The following CCDC25 variants were observed in gnomAD, a reference collection of about 807,000 sequenced individuals.
CCDC25 encodes coiled-coil domain-containing protein 25.
CCDC25 carries 16 observed loss-of-function variants against 35.3 expected under a neutral mutation model. The ratio of observed to expected loss-of-function variants is 0.45; its 90% confidence interval spans 0.31 to 0.69. CCDC25 has a LOEUF of 0.69. Ranked by LOEUF, CCDC25 falls within the 30% of genes least tolerant of loss-of-function variation. The pLI, the probability that CCDC25 is intolerant of heterozygous loss-of-function variation, is 0.06. For synonymous variants in CCDC25, 79 were observed against 80.3 expected (o/e 0.98, Z 0.09); for missense variants, 179 against 250.7 (o/e 0.71, Z 1.93).
intron 1 of CCDC25, among the ~76,000 whole-genome samples, chr8:27,769,367 T>C (rs1174731223): frequency 1.3e-5 from 2 of 152,210 alleles, no homozygotes; most frequent in Non-Finnish European, 2.9e-5. Flanking sequence ...CAGATGTGTA[T>C]GTGTGACTAA....
At chr8:27,753,434 G>A (rs1803886881) in intron 4 of CCDC25, among the ~76,000 whole-genome samples, 1 of 152,148 alleles carries the variant, frequency 6.6e-6, no homozygotes, top group Admixed American at 6.5e-5. Context: ...CATTAGGCTG[G>A]GTTTAGGGGC....
chr8:27,772,376 G>A, intron 1 of CCDC25, 137 bp downstream of exon 1: 1 of 793,412 alleles, frequency 1.3e-6, no homozygotes, highest in Non-Finnish European at 2.1e-6. Context: ...TGTGCTGGGG[G>A]ACCGAGAGGC....
chr8:27,753,371 G>C (rs1254464496), intron 4 of CCDC25, among the ~76,000 whole-genome samples: 1 of 152,072 alleles, frequency 6.6e-6, no homozygotes, highest in African/African-American at 2.4e-5. Context: ...ATTTACTGCA[G>C]GAAATTAATC....
At chr8:27,738,090 C>T (rs140953103) in intron 8 of CCDC25, among the ~76,000 whole-genome samples, 3 of 151,880 alleles carry the variant, frequency 2.0e-5, no homozygotes, top group Admixed American at 6.6e-5. Context: ...AAGAATGATA[C>T]GATGGACTTT....
Position 27,737,875 on chromosome 8 carries a change from T to TACACACAC in CCDC25, c.598-1638_598-1631dup, listed in dbSNP as rs200945575. ...GGATAAAGAAACTGTGGTGTGTGTATACACACACTCACACACACACACACA... is the reference window on the plus strand; with the variant it reads ...GGATAAAGAAACTGTGGTGTGTGTATACACACACACACACACTCACACACACACACACA... On this transcript the variant is annotated intron_variant, in intron 8 of 8. Transcript: ENST00000356537. The surrounding 1 kb of genome is among the most constrained non-coding windows in gnomAD (Gnocchi z 4.6). Among the ~76,000 whole-genome samples, 7,422 of 136,052 alleles carry TACACACAC rather than the reference T, an allele frequency of 0.055. 239 individuals carry two copies. Among genetic ancestry groups the TACACACAC allele is most frequent in the African/African-American group, 0.092 (3,439 of 37,564 alleles). 89.3% of individuals were successfully genotyped at this position (136,052 alleles called of 152,430 possible).
intron 1 of CCDC25, among the ~76,000 whole-genome samples, chr8:27,766,918 ATG>A (rs1312215830): frequency 1.3e-5 from 2 of 150,652 alleles, no homozygotes; most frequent in Non-Finnish European, 3.0e-5. Flanking sequence ...TTATAATGGT[ATG>A]TGTGTGTATA....
intron 1 of CCDC25, among the ~76,000 whole-genome samples, chr8:27,768,825 A>G (rs1238102201): frequency 6.6e-6 from 1 of 152,238 alleles, no homozygotes; most frequent in Non-Finnish European, 1.5e-5. Context: ...ATCTACTTTT[A>G]GGCAGATGAT....
chr8:27,744,654 C>T (rs1209758738), intron 7 of CCDC25, among the ~76,000 whole-genome samples: 4 of 152,190 alleles, frequency 2.6e-5, no homozygotes, highest in Non-Finnish European at 5.9e-5. Context: ...CTGGACTAAA[C>T]CTTTTAAGTC....
At chr8:27,756,652 G>T in intron 4 of CCDC25, 67 bp downstream of exon 4, 1 of 1,114,138 alleles carries the variant, frequency 9.0e-7, no homozygotes, top group Non-Finnish European at 1.4e-6. Context: ...TAATTGCAAA[G>T]GATAAAGAAC....
intron 8 of CCDC25, among the ~76,000 whole-genome samples, chr8:27,739,778 T>TC (rs1451875352): frequency 6.6e-6 from 1 of 152,054 alleles, no homozygotes; most frequent in Non-Finnish European, 1.5e-5. Flanking sequence ...ACATGCAAAA[T>TC]CCCAAATACA....
At chr8:27,740,076 T>G (rs1803383053) in intron 8 of CCDC25, among the ~76,000 whole-genome samples, 1 of 152,200 alleles carries the variant, frequency 6.6e-6, no homozygotes, top group African/African-American at 2.4e-5. Context: ...TAATTGAAGG[T>G]GATAATTTTG....
intron 4 of CCDC25, 28 bp downstream of exon 4, chr8:27,756,691 T>G: frequency 6.5e-7 from 1 of 1,544,730 alleles, no homozygotes; most frequent in Non-Finnish European, 9.0e-7. Flanking sequence ...AGGAGAAAAG[T>G]CAAGAATCCA....
chr8:27,736,184 T>A lies in CCDC25; in HGVS notation c.*32A>T, dbSNP rs1205507741. 3.1e-6 allele frequency: 5 copies of A among 1,601,372 alleles called. No individual in the cohort carries two copies. Among genetic ancestry groups the A allele is most frequent in the Non-Finnish European group, 4.3e-6 (5 of 1,174,806 alleles). ...GTCTGCAATTGTCTCTACATTCACA[T>A]CTTTCAAAGGTCCTTTTCTCCTTTT... On this transcript the variant is annotated 3_prime_UTR_variant, in exon 9 of 9. Coordinates refer to ENST00000356537, the MANE Select transcript of CCDC25 (RefSeq NM_018246.3).
intron 7 of CCDC25, among the ~76,000 whole-genome samples, chr8:27,741,587 A>G (rs1803441079): frequency 6.6e-6 from 1 of 152,212 alleles, no homozygotes; most frequent in African/African-American, 2.4e-5. Flanking sequence ...CTGAGGCAGG[A>G]GAATCACTTG....
At chr8:27,753,718 T>C (rs1031440555) in intron 4 of CCDC25, among the ~76,000 whole-genome samples, 1 of 152,218 alleles carries the variant, frequency 6.6e-6, no homozygotes, top group Non-Finnish European at 1.5e-5. Context: ...AAAATGAAAC[T>C]TGGTAACACC....
At chr8:27,762,393 A>G in intron 3 of CCDC25, 26 bp downstream of exon 3, 1 of 1,606,676 alleles carries the variant, frequency 6.2e-7, no homozygotes, top group Non-Finnish European at 8.5e-7. Flanking sequence ...TGATCTACAG[A>G]GGGCAGAACC....
chr8:27,733,911 A>C lies in CCDC25; in HGVS notation c.*2305T>G, dbSNP rs1803123773. 6.6e-6 allele frequency: 1 copy of C among 152,186 alleles called. No homozygotes were observed. Among genetic ancestry groups the C allele is most frequent in the African/African-American group, 2.4e-5 (1 of 41,440 alleles). 9.4% of individuals were successfully genotyped at this position (152,186 alleles called of 1,614,324 possible). A position where few individuals can be genotyped will look rare whatever the true frequency, so the allele number is the denominator to read the frequency against. On this transcript the variant is annotated 3_prime_UTR_variant, in exon 9 of 9. Transcript: ENST00000356537. ...GGTCTTAAACTAGAAGCTGCAGCTG[A>C]AACTCTCCCCGTCTAATCCTGCTGT...
At chr8:27,751,555 A>T (rs1373260170) in intron 5 of CCDC25, among the ~76,000 whole-genome samples, 1 of 152,170 alleles carries the variant, frequency 6.6e-6, no homozygotes, top group African/African-American at 2.4e-5. Context: ...GGTACCTGTT[A>T]TCAGCTGTGG....
intron 5 of CCDC25, among the ~76,000 whole-genome samples, chr8:27,750,752 C>T (rs55663317): frequency 0.29 from 44,439 of 152,144 alleles, 7,864 homozygotes; most frequent in Middle Eastern, 0.4. Context: ...AAAGTTTAAT[C>T]TGGAAAGATT....
Sources: gnomAD v4.1 joint callset for allele counts (sites outside exome capture counted in the v4.1 genomes callset) on GRCh38, gnomAD v4.1.1 for gene constraint, Gnocchi (gnomAD v3.1) non-coding constraint, MANE v1.5 for transcripts, NCBI Gene and HGNC (gene_info 2026-07-23, HGNC 2026-07-21) for gene names.